Variants in HDAC4 observed in about 807,000 individuals in gnomAD.
HDAC4 encodes the protein histone deacetylase A.
Under a neutral mutation model 135.1 loss-of-function variants are expected in HDAC4, and 16 were observed. That is an observed-to-expected ratio of 0.12 (90% CI 0.08 to 0.18). HDAC4 has a LOEUF of 0.18. Among genes scored for constraint, HDAC4 ranks in the 10% least tolerant of loss-of-function variants. The probability of loss-of-function intolerance (pLI) is 1.00; values close to 1 mark genes in which losing one functional copy is unlikely to be tolerated. For synonymous variants in HDAC4, 685 were observed against 653.4 expected (o/e 1.05, Z -0.74); for missense variants, 1,143 against 1,511.8 (o/e 0.76, Z 4.05).
chr2:239,398,592 C>T (rs764324890), intron 1 of HDAC4, among the ~76,000 whole-genome samples: 4 of 152,254 alleles, frequency 2.6e-5, no homozygotes, highest in Non-Finnish European at 5.9e-5. Flanking sequence ...AGATGGGCTG[C>T]CTGAGCCGCA....
At chr2:239,298,548 G>C in intron 2 of HDAC4, 2 of 1,023,140 alleles carry the variant, frequency 2.0e-6, no homozygotes, top group Non-Finnish European at 2.3e-6. Context: ...ATAGCCACTG[G>C]GGATGCAGGT....
At chr2:239,340,131 G>A (rs1416738584) in intron 2 of HDAC4, among the ~76,000 whole-genome samples, 4 of 152,144 alleles carry the variant, frequency 2.6e-5, no homozygotes, top group African/African-American at 9.7e-5. Flanking sequence ...GGTCCTGCTG[G>A]TGCTGCTGCT....
intron 12 of HDAC4, among the ~76,000 whole-genome samples, chr2:239,120,267 GAGC>G (rs2152827363): frequency 6.6e-6 from 1 of 152,284 alleles, no homozygotes; most frequent in South Asian, 2.1e-4. Flanking sequence ...CAGAGCTGGG[GAGC>G]TGAAGAAACA....
intron 7 of HDAC4, chr2:239,155,675 C>T (rs3791504): frequency 0.53 from 80,497 of 152,190 alleles, 22,079 homozygotes; most frequent in South Asian, 0.76. Flanking sequence ...TGACTGAGTA[C>T]GTTCACTGTT....
chr2:239,182,792 G>A (rs1355891137), intron 4 of HDAC4, among the ~76,000 whole-genome samples: 3 of 152,130 alleles, frequency 2.0e-5, no homozygotes, highest in Non-Finnish European at 2.9e-5. Flanking sequence ...CGGCATGCTC[G>A]GAAAATGCTG....
chr2:239,214,312 C>T (rs904676476), intron 3 of HDAC4, among the ~76,000 whole-genome samples: 4 of 152,156 alleles, frequency 2.6e-5, no homozygotes, highest in Non-Finnish European at 5.9e-5. Context: ...GTCTGCATAC[C>T]TCCTCTGACT....
At chr2:239,135,219 C>A (rs1277113701) in intron 9 of HDAC4, among the ~76,000 whole-genome samples, 1 of 152,082 alleles carries the variant, frequency 6.6e-6, no homozygotes, top group Non-Finnish European at 1.5e-5. Flanking sequence ...ATCTCATGTA[C>A]CCCACAAATA....
intron 22 of HDAC4, among the ~76,000 whole-genome samples, chr2:239,071,299 C>A (rs1041005456): frequency 5.9e-5 from 9 of 152,226 alleles, no homozygotes; most frequent in Non-Finnish European, 1.2e-4. Flanking sequence ...CCTATAATCC[C>A]AGCTACTCGG....
chr2:239,188,716 C>T (rs530392644), intron 4 of HDAC4, among the ~76,000 whole-genome samples: 97 of 152,344 alleles, frequency 6.4e-4, no homozygotes, highest in Admixed American at 1.8e-3. Flanking sequence ...GTGTTGGTGG[C>T]GGCCTGCCAC....
At position 239,074,752 on chromosome 2, in the gene HDAC4, G is replaced by A. The variant is rs2034563052; in HGVS notation, c.2751-6145C>T. Among the ~76,000 whole-genome samples the A allele has an allele frequency of 2.0e-5, 3 of 152,204 alleles. No homozygotes were observed. In the South Asian group the frequency reaches 6.2e-4, roughly 31 times the overall value. Reference sequence around the variant, plus strand: ...ACGTCCCTTCTCCTCCATGGGACATGACTTCTTTGCCTGTAAAAAGGAAGC... The same window carrying A: ...ACGTCCCTTCTCCTCCATGGGACATAACTTCTTTGCCTGTAAAAAGGAAGC... On this transcript the variant is annotated intron_variant, in intron 22 of 26. Coordinates refer to ENST00000543185, the MANE Select transcript of HDAC4 (RefSeq NM_001378414.1).
chr2:239,235,551 G>T (rs941891569), intron 3 of HDAC4, among the ~76,000 whole-genome samples: 1 of 152,252 alleles, frequency 6.6e-6, no homozygotes, highest in African/African-American at 2.4e-5. Context: ...ATGTGGAACG[G>T]AACACTGGTT....
At chr2:239,189,551 T>A (rs1404413840) in intron 4 of HDAC4, among the ~76,000 whole-genome samples, 1 of 152,242 alleles carries the variant, frequency 6.6e-6, no homozygotes, top group Non-Finnish European at 1.5e-5. Flanking sequence ...TCTGAGCATG[T>A]TTCGGATGAA....
intron 5 of HDAC4, among the ~76,000 whole-genome samples, chr2:239,164,327 G>T (rs1261256829): frequency 6.6e-6 from 1 of 152,198 alleles, no homozygotes; most frequent in Non-Finnish European, 1.5e-5. Context: ...GATGCATCAC[G>T]CAGGGACAAA....
At chr2:239,255,442 C>T (rs1045441133) in intron 2 of HDAC4, among the ~76,000 whole-genome samples, 1 of 152,158 alleles carries the variant, frequency 6.6e-6, no homozygotes, top group Non-Finnish European at 1.5e-5. Flanking sequence ...GCCAATTATG[C>T]AGGGTTTATG....
rs902502316 is a variant in HDAC4, at chr2:239,139,370, G to A, written c.978+314C>T. ...CCTGTCCACCTAGAGCACCTGCCATGCGTGGGCTTGTGCTGGGACACCATC... is the reference window on the plus strand; with the variant it reads ...CCTGTCCACCTAGAGCACCTGCCATACGTGGGCTTGTGCTGGGACACCATC... On this transcript the variant is annotated intron_variant, in intron 9 of 26. Transcript: ENST00000543185. This position sits in a 1 kb window ranked among gnomAD's most constrained non-coding sequence, Gnocchi z 5.3. Among the ~76,000 whole-genome samples, 4 of 152,182 alleles carry A rather than the reference G, an allele frequency of 2.6e-5. No homozygotes were observed. The highest frequency in any genetic ancestry group is 9.7e-5 in the African/African-American group (4 of 41,424).
chr2:239,319,707 T>C (rs767446343), intron 2 of HDAC4, among the ~76,000 whole-genome samples: 12 of 152,186 alleles, frequency 7.9e-5, no homozygotes, highest in South Asian at 4.2e-4. Flanking sequence ...ATTCACAAAA[T>C]TGAATGCAAG....
intron 7 of HDAC4, among the ~76,000 whole-genome samples, chr2:239,150,400 C>T (rs2042037924): frequency 6.6e-6 from 1 of 151,588 alleles, no homozygotes; most frequent in African/African-American, 2.4e-5. Flanking sequence ...GAAACGCACA[C>T]AGATATACAG....
chr2:239,308,375 T>C lies in HDAC4; in HGVS notation c.22+44303A>G, dbSNP rs2052711260. 6.6e-6 allele frequency among the ~76,000 whole-genome samples: 1 copy of C among 152,102 alleles called. No individual in the cohort carries two copies. The highest frequency in any genetic ancestry group is 6.5e-5 in the Admixed American group (1 of 15,280). ...AGCAACAGGCTTTCCTAATAAGAAT[T>C]CCACACTTCCATGAGGCTGTAATCA... is the stretch of plus-strand genomic sequence containing the variant. On this transcript the variant is annotated intron_variant, in intron 2 of 26. Coordinates refer to ENST00000543185, the MANE Select transcript of HDAC4 (RefSeq NM_001378414.1). The surrounding 1 kb of genome is among the most constrained non-coding windows in gnomAD (Gnocchi z 4.2).
At chr2:239,081,460 C>G (rs1034635656) in intron 21 of HDAC4, among the ~76,000 whole-genome samples, 7 of 152,254 alleles carry the variant, frequency 4.6e-5, no homozygotes, top group Admixed American at 3.9e-4. Flanking sequence ...AGGCCCTGCA[C>G]TGACATTTCT....
Sources: gnomAD v4.1 joint callset for allele counts (sites outside exome capture counted in the v4.1 genomes callset) on GRCh38, gnomAD v4.1.1 for gene constraint, Gnocchi (gnomAD v3.1) non-coding constraint, MANE v1.5 for transcripts, NCBI Gene and HGNC (gene_info 2026-07-23, HGNC 2026-07-21) for gene names.